BBS4: variants seen among roughly 807,000 people sequenced by gnomAD.
BBS4 encodes the protein Bardet-Biedl syndrome 4, also known as BBSome complex member BBS4.
Under a neutral mutation model 71.4 loss-of-function variants are expected in BBS4, and 58 were observed. The observed-to-expected ratio is 0.81, with a 90% CI of 0.66 to 1.01. The LOEUF is 1.01. BBS4 is among the 50% of genes least tolerant of loss of function. The pLI is 0.00. For missense variants in BBS4, 660 were observed against 607.9 expected, an observed-to-expected ratio of 1.09 and a Z score of -0.90; for synonymous variants, 228 against 216.8, an observed-to-expected ratio of 1.05 and a Z score of -0.46.
At chr15:72,723,478 G>A (rs1314121752) in intron 7 of BBS4, among the ~76,000 whole-genome samples, 3 of 152,182 alleles carry the variant, frequency 2.0e-5, no homozygotes, top group Non-Finnish European at 4.4e-5. Flanking sequence ...TGATGAGAGC[G>A]TTGGGTAGTT....
chr15:72,724,480 C>A, intron 7 of BBS4, 48 bp from the exon 8 acceptor site: 1 of 1,610,550 alleles, frequency 6.2e-7, no homozygotes, highest in South Asian at 1.1e-5. Context: ...AGGTATAGTT[C>A]GTTCAGTGGT....
intron 1 of BBS4, among the ~76,000 whole-genome samples, chr15:72,690,414 CTT>C (rs1371397657): frequency 6.6e-6 from 1 of 152,064 alleles, no homozygotes; most frequent in African/African-American, 2.4e-5. Context: ...TCTGGAAAGT[CTT>C]GAGTAAAAGA....
intron 2 of BBS4, among the ~76,000 whole-genome samples, chr15:72,708,244 G>A (rs1017460479): frequency 6.6e-6 from 1 of 152,314 alleles, no homozygotes; most frequent in Admixed American, 6.5e-5. Flanking sequence ...GGGATTACAG[G>A]CGTGAGCCAC....
chr15:72,686,647 T>TG, intron 1 of BBS4: 1 of 1,065,110 alleles, frequency 9.4e-7, no homozygotes, highest in Non-Finnish European at 1.3e-6. Context: ...GCAGCGTCAC[T>TG]GCCTTCTGCC....
chr15:72,725,051 TATATATAGAG>T (rs1276826217), intron 8 of BBS4, among the ~76,000 whole-genome samples: 1 of 101,054 alleles, frequency 9.9e-6, no homozygotes, highest in African/African-American at 3.3e-5. Context: ...TATATATATA[TATATATAGAG>T]AGAGAGAGAG....
At chr15:72,731,791 C>A in intron 12 of BBS4, 65 bp downstream of exon 12, 1 of 1,586,886 alleles carries the variant, frequency 6.3e-7, no homozygotes, top group Non-Finnish European at 8.6e-7. Context: ...GGATTAGAAT[C>A]ATAGAAGATC....
chr15:72,702,802 C>CTTTTTTTTTTTTTTTTTTT lies in BBS4; in HGVS notation c.77-6893_77-6875dup, dbSNP rs59816410. 2.0e-3 allele frequency among the ~76,000 whole-genome samples: 149 copies of CTTTTTTTTTTTTTTTTTTT among 73,478 alleles called. 23 individuals are homozygous for CTTTTTTTTTTTTTTTTTTT. Among genetic ancestry groups the CTTTTTTTTTTTTTTTTTTT allele is most frequent in the East Asian group, 6.2e-3 (10 of 1,618 alleles). The allele number at this position is 73,478 out of a possible 152,430, so 48.2% of individuals were successfully genotyped here. A position where few individuals can be genotyped will look rare whatever the true frequency, so the allele number is the denominator to read the frequency against. Reference sequence around the variant, plus strand: ...TTTTTGGTATAGTGAGGAGCTGACTCTTTTTTTTTTTTTTTTTTTTTTTGA... The same window carrying CTTTTTTTTTTTTTTTTTTT: ...TTTTTGGTATAGTGAGGAGCTGACTCTTTTTTTTTTTTTTTTTTTTTTTTTTTTTTTTTTTTTTTTTTGA... On this transcript the variant is annotated intron_variant, in intron 2 of 15. Transcript: ENST00000268057.
chr15:72,735,618 T>A, intron 13 of BBS4: 2 of 673,532 alleles, frequency 3.0e-6, no homozygotes, highest in Non-Finnish European at 5.2e-6. Flanking sequence ...GATGCCAGAT[T>A]TGGTCCCAAT....
intron 2 of BBS4, among the ~76,000 whole-genome samples, chr15:72,701,800 A>G (rs1295765314): frequency 1.3e-5 from 2 of 152,148 alleles, no homozygotes; most frequent in Non-Finnish European, 2.9e-5. Context: ...TGATATATGA[A>G]AAACACTGGT....
chr15:72,709,884 A>G (rs1260871050), intron 3 of BBS4, 105 bp downstream of exon 3: 3 of 949,210 alleles, frequency 3.2e-6, no homozygotes, highest in African/African-American at 3.2e-5. Flanking sequence ...GTGATAAAAC[A>G]TGAATTCCTT....
chr15:72,703,592 A>AG, intron 2 of BBS4, among the ~76,000 whole-genome samples: 1 of 152,222 alleles, frequency 6.6e-6, no homozygotes, highest in African/African-American at 2.4e-5. Context: ...TGAAAATTTT[A>AG]GGGGGGATAA....
chr15:72,686,694 GT>G, intron 1 of BBS4: 2 of 683,898 alleles, frequency 2.9e-6, no homozygotes, highest in Non-Finnish European at 4.4e-6. Flanking sequence ...TGGTGATTAA[GT>G]TTAGGAAAGT....
At position 72,727,985 on chromosome 15, in the gene BBS4, C is replaced by T. The variant is rs2065735225; in HGVS notation, c.633C>T (p.Leu211=). The change falls in exon 9 of 16, where the codon CTC becomes CTT. Residue 211 remains leucine, a synonymous_variant. Coordinates refer to ENST00000268057, the MANE Select transcript of BBS4 (RefSeq NM_033028.5). The part of the protein sequence containing the change: ...NTELLTTLGL[L]YLQLGIYQKA... Reference sequence around the variant, plus strand: ...AGCTTCTTACAACTTTAGGATTACTCTACTTACAGGTAATGAAAACTCTGT... The same window carrying T: ...AGCTTCTTACAACTTTAGGATTACTTTACTTACAGGTAATGAAAACTCTGT... 1 of 1,611,326 alleles carries T rather than the reference C, an allele frequency of 6.2e-7. No individual in the cohort carries two copies. Among genetic ancestry groups the T allele is most frequent in the Non-Finnish European group, 8.5e-7 (1 of 1,177,656 alleles).
chr15:72,692,558 C>A (rs1338426515), intron 1 of BBS4, among the ~76,000 whole-genome samples: 1 of 151,642 alleles, frequency 6.6e-6, no homozygotes, highest in African/African-American at 2.4e-5. Context: ...AGCAATCGGC[C>A]TGCCTCAGCC....
chr15:72,687,214 G>A (rs565089377), intron 1 of BBS4, among the ~76,000 whole-genome samples: 2 of 143,830 alleles, frequency 1.4e-5, no homozygotes, highest in African/African-American at 2.6e-5. Context: ...CGCCTCCCAG[G>A]TTCCAGCAAT....
chr15:72,691,235 C>T (rs2064978096), intron 1 of BBS4, among the ~76,000 whole-genome samples: 1 of 152,214 alleles, frequency 6.6e-6, no homozygotes, highest in African/African-American at 2.4e-5. Context: ...GCCTGCCTCA[C>T]ATAAGTATTC....
Position 72,731,381 on chromosome 15 carries a change from C to T in BBS4, c.788C>T (p.Ala263Val), listed in dbSNP as rs1283540028. The T allele has an allele frequency of 6.2e-7, 1 of 1,613,992 alleles. No individual in the cohort carries two copies. Among genetic ancestry groups the T allele is most frequent in the East Asian group, 2.2e-5 (1 of 44,902 alleles). Reference protein sequence around the residue: ...DVALTKYRVVACAVPESPPLW... With the variant: ...DVALTKYRVVVCAVPESPPLW... ...GCCCTCACCAAATACAGAGTTGTGG[C>T]TTGTGCTGTTCCAGAAAGTCCTCCA... The change falls in exon 11 of 16, where the codon GCT (alanine) becomes GTT (valine). Residue 263 changes from alanine to valine, a missense_variant. Physicochemically the swap from Ala to Val is moderately conservative, Grantham distance 64. Coordinates refer to ENST00000268057, the MANE Select transcript of BBS4 (RefSeq NM_033028.5).
At chr15:72,737,045 G>C (rs1385682470) in intron 15 of BBS4, 82 bp downstream of exon 15, 2 of 1,502,844 alleles carry the variant, frequency 1.3e-6, no homozygotes, top group Non-Finnish European at 1.8e-6. Flanking sequence ...CTTTCAGTGA[G>C]GTTCTCTTCA....
At chr15:72,686,393 T>C in intron 1 of BBS4, 142 bp downstream of exon 1, 1 of 1,536,068 alleles carries the variant, frequency 6.5e-7, no homozygotes, top group Non-Finnish European at 8.7e-7. Context: ...CACGGTCCCC[T>C]TTTTACTGTC....
Sources: gnomAD v4.1 joint callset for allele counts (sites outside exome capture counted in the v4.1 genomes callset) on GRCh38, gnomAD v4.1.1 for gene constraint, MANE v1.5 for transcripts, NCBI Gene and HGNC (gene_info 2026-07-23, HGNC 2026-07-21) for gene names.